The following SLC27A2 variants were observed in gnomAD, a reference collection of about 807,000 sequenced individuals.
The protein encoded by SLC27A2 is solute carrier family 27 member 2.
A neutral mutation model predicts 60.0 loss-of-function variants in SLC27A2; 54 were observed. The ratio of observed to expected loss-of-function variants is 0.90; its 90% CI spans 0.72 to 1.13. The LOEUF is 1.13. Among genes scored for constraint, SLC27A2 ranks in the 50% most tolerant of loss-of-function variants. The pLI is 0.00. For missense variants in SLC27A2, 739 were observed against 777.6 expected (o/e 0.95, Z 0.59); for synonymous variants, 297 against 297.6 (o/e 1.00, Z 0.02).
At position 50,226,072 on chromosome 15, in the gene SLC27A2, C is replaced by T; in HGVS notation, c.1252C>T (p.Pro418Ser). Reference sequence around the variant, plus strand: ...TGAAAATGGATATTGCGTCAGAGTTCCCAAAGGTACAGTGGACTTTTGTTC... The same window carrying T: ...TGAAAATGGATATTGCGTCAGAGTTTCCAAAGGTACAGTGGACTTTTGTTC... ...RDENGYCVRV[P>S]KGEVGLLVCK... The change falls in exon 6 of 10, where the codon CCC becomes TCC. Residue 418 changes from proline (P) to serine (S), a missense_variant. By Grantham distance (74) the Pro-to-Ser change is moderately conservative (BLOSUM62 -1). Coordinates refer to ENST00000267842, the MANE Select transcript of SLC27A2 (RefSeq NM_003645.4). The T allele has an allele frequency of 6.2e-7, 1 of 1,601,902 alleles. No individual in the cohort carries two copies. The highest frequency in any genetic ancestry group is 8.6e-7 in the Non-Finnish European group (1 of 1,168,986).
chr15:50,199,483 AAAAAAAAAAGAAAG>A (rs2045048489), intron 2 of SLC27A2, among the ~76,000 whole-genome samples: 2 of 151,836 alleles, frequency 1.3e-5, no homozygotes, highest in Non-Finnish European at 2.9e-5. Context: ...GTCTTAAAAA[AAAAAAAAAAGAAAG>A]AAAAAAAAAG....
intron 8 of SLC27A2, among the ~76,000 whole-genome samples, chr15:50,230,943 G>A (rs1457569889): frequency 2.0e-5 from 3 of 152,262 alleles, no homozygotes; most frequent in African/African-American, 7.2e-5. Context: ...TGTTACAAGT[G>A]TAATTTCTCA....
At chr15:50,196,079 T>TAAA (rs1567428414) in intron 1 of SLC27A2, among the ~76,000 whole-genome samples, 1 of 6,134 alleles carries the variant, frequency 1.6e-4, no homozygotes, top group Non-Finnish European at 2.6e-4. Flanking sequence ...AAAAAAAAAA[T>TAAA]ATATATATAT....
chr15:50,182,913 C>G lies in SLC27A2; in HGVS notation c.478+8C>G. 1 of 1,594,218 alleles carries G rather than the reference C, an allele frequency of 6.3e-7. No individual in the cohort carries two copies. Among genetic ancestry groups the G allele is most frequent in the South Asian group, 1.1e-5 (1 of 88,892 alleles). ...TGCTGCTGGTGTCGCCAGGTGAGCC[C>G]CGAGGATCGCCCTGCCCTGGCACCA... On this transcript the variant is annotated splice_region_variant and intron_variant, in intron 1 of 9. Coordinates refer to ENST00000267842, the MANE Select transcript of SLC27A2 (RefSeq NM_003645.4).
chr15:50,205,374 C>T lies in SLC27A2; in HGVS notation c.972+11C>T. 1 of 1,597,228 alleles carries T rather than the reference C, an allele frequency of 6.3e-7. No individual in the cohort carries two copies. The highest frequency in any genetic ancestry group is 8.6e-7 in the Non-Finnish European group (1 of 1,168,402). ...TGCAACTCACCACAGGTAACACTCC[C>T]CCCGTTTTACTATCATTTTGAAATG... On this transcript the variant is annotated intron_variant, in intron 4 of 9. Coordinates refer to ENST00000267842, the MANE Select transcript of SLC27A2 (RefSeq NM_003645.4).
At chr15:50,195,763 TC>T (rs561183699) in intron 1 of SLC27A2, among the ~76,000 whole-genome samples, 212 of 151,656 alleles carry the variant, frequency 1.4e-3, no homozygotes, top group Middle Eastern at 3.4e-3. Context: ...AGGTGTAGCC[TC>T]CCCAAGGTAA....
chr15:50,182,630 A>G lies in SLC27A2; in HGVS notation c.203A>G (p.His68Arg), dbSNP rs1309131180. The change falls in exon 1 of 10, where the codon CAC becomes CGC. Residue 68 changes from histidine to arginine, a missense_variant. Coordinates refer to ENST00000267842, the MANE Select transcript of SLC27A2 (RefSeq NM_003645.4). ...CTGGAGAAAGCGCGCCAGACGCCAC[A>G]CAAGCCTTTTCTGCTCTTCCGCGAC... ...AFLEKARQTP[H>R]KPFLLFRDET... 1 of 1,613,970 alleles carries G rather than the reference A, an allele frequency of 6.2e-7. No individual in the cohort carries two copies. Among genetic ancestry groups the G allele is most frequent in the Non-Finnish European group, 8.5e-7 (1 of 1,179,906 alleles).
At chr15:50,191,641 C>T (rs1305879626) in intron 1 of SLC27A2, among the ~76,000 whole-genome samples, 1 of 152,186 alleles carries the variant, frequency 6.6e-6, no homozygotes, top group Non-Finnish European at 1.5e-5. Flanking sequence ...ATGCACATCT[C>T]GGAGTCTCAG....
At chr15:50,191,023 T>A (rs566315421) in intron 1 of SLC27A2, 20 of 152,374 alleles carry the variant, frequency 1.3e-4, no homozygotes, top group African/African-American at 4.8e-4. Context: ...TTAATCTGAA[T>A]GGCTCATACA....
Position 50,233,867 on chromosome 15 carries a change from G to C in SLC27A2, c.1556-1G>C, listed in dbSNP as rs760575505. On this transcript the variant is annotated splice_acceptor_variant, in intron 8 of 9. Coordinates refer to ENST00000267842, the MANE Select transcript of SLC27A2 (RefSeq NM_003645.4). LOFTEE classifies it high-confidence loss of function. The stretch of plus-strand genomic sequence containing the variant: ...CTAATTTTTTCTCACTTTATTTCTA[G>C]ATCATGAGGGTCGCATTGGCATGGC... 12 of 1,609,626 alleles carry C rather than the reference G, an allele frequency of 7.5e-6. No individual in the cohort carries two copies. The East Asian group carries it at 2.7e-4, about 36-fold the overall frequency.
intron 4 of SLC27A2, among the ~76,000 whole-genome samples, chr15:50,217,351 G>A (rs527339446): frequency 6.6e-6 from 1 of 152,308 alleles, no homozygotes; most frequent in South Asian, 2.1e-4. Flanking sequence ...GAGAGCTAAA[G>A]AAGCTTTGAC....
At chr15:50,224,525 G>C (rs958215657) in intron 5 of SLC27A2, among the ~76,000 whole-genome samples, 18 of 152,188 alleles carry the variant, frequency 1.2e-4, no homozygotes, top group Non-Finnish European at 1.0e-4. Flanking sequence ...TTGAATAATT[G>C]TTAGCCGTAA....
chr15:50,228,376 CAAAAAAAAAA>C (rs71124333), intron 7 of SLC27A2, among the ~76,000 whole-genome samples: 137 of 77,290 alleles, frequency 1.8e-3, no homozygotes, highest in African/African-American at 5.8e-3. Flanking sequence ...GACTCTGCCT[CAAAAAAAAAA>C]AAAAAAAAAA....
chr15:50,209,445 G>A (rs979640606), intron 4 of SLC27A2, among the ~76,000 whole-genome samples: 1 of 152,124 alleles, frequency 6.6e-6, no homozygotes, highest in Admixed American at 6.5e-5. Flanking sequence ...CTGCAGCCAG[G>A]CAAGAAAAGA....
chr15:50,235,391 C>T (rs1157887547), intron 9 of SLC27A2, among the ~76,000 whole-genome samples: 9 of 152,270 alleles, frequency 5.9e-5, no homozygotes, highest in East Asian at 3.9e-4. Context: ...GATATCCTAG[C>T]GGTACCTGAA....
In SLC27A2 at chr15:50,235,776, A is replaced by ATT. The variant is rs2045347487; in HGVS notation, c.1687-141_1687-140dup. 8.9e-6 allele frequency: 5 copies of ATT among 561,714 alleles called. No individual in the cohort carries two copies. In the Admixed American group the frequency reaches 1.3e-4, roughly 15 times the overall value. The allele number at this position is 561,714 out of a possible 1,614,324, so 34.8% of individuals were successfully genotyped here. ...AAAATAAATTAAAATGGAAAACTTT[A>ATT]TTTTAACTTTCACTTCCCAGCTCTC... On this transcript the variant is annotated intron_variant, in intron 9 of 9. Coordinates refer to ENST00000267842, the MANE Select transcript of SLC27A2 (RefSeq NM_003645.4).
At chr15:50,206,670 G>T (rs2045115413) in intron 4 of SLC27A2, among the ~76,000 whole-genome samples, 2 of 152,076 alleles carry the variant, frequency 1.3e-5, no homozygotes, top group Admixed American at 6.6e-5. Context: ...ATTATTGTCT[G>T]CCCCCCCTCG....
At chr15:50,224,395 G>A (rs541660968) in intron 5 of SLC27A2, among the ~76,000 whole-genome samples, 5 of 152,136 alleles carry the variant, frequency 3.3e-5, no homozygotes, top group African/African-American at 4.8e-5. Context: ...AGTCGAGATC[G>A]CGCCACTGCA....
intron 1 of SLC27A2, among the ~76,000 whole-genome samples, chr15:50,195,256 G>A (rs1567427978): frequency 6.6e-6 from 1 of 150,934 alleles, no homozygotes; most frequent in Non-Finnish European, 1.5e-5. Context: ...CACGAGGTCA[G>A]GAGATCGAGA....
Sources: allele counts gnomAD v4.1 joint callset (sites outside exome capture counted in the v4.1 genomes callset), GRCh38; gene constraint gnomAD v4.1.1; transcripts MANE v1.5; gene names NCBI Gene and HGNC (gene_info 2026-07-23, HGNC 2026-07-21).